Variants in NPAS3 observed in about 807,000 individuals in gnomAD.
NPAS3 encodes the protein neuronal PAS domain protein 3.
In NPAS3, 14 loss-of-function variants were observed where a neutral mutation model predicts 73.1. The observed-to-expected ratio is 0.19, with a 90% confidence interval of 0.13 to 0.30. The LOEUF (loss-of-function observed/expected upper bound fraction) is 0.30. Ranked by LOEUF, NPAS3 falls within the 10% of genes least tolerant of loss-of-function variation. The pLI, the probability that NPAS3 is intolerant of heterozygous loss-of-function variation, is 1.00. For synonymous variants in NPAS3, 620 were observed against 541.5 expected, an observed-to-expected ratio of 1.14 and a Z score of -2.01; for missense variants, 1,096 against 1,250.0, an observed-to-expected ratio of 0.88 and a Z score of 1.86.
chr14:33,355,549 C>T (rs112533785), intron 3 of NPAS3, among the ~76,000 whole-genome samples: 16 of 152,172 alleles, frequency 1.1e-4, no homozygotes, highest in Middle Eastern at 3.2e-3. Flanking sequence ...CCGCCTGCCT[C>T]GGCCTCCCAA....
At chr14:33,531,540 C>T (rs1431618736) in intron 4 of NPAS3, among the ~76,000 whole-genome samples, 1 of 152,032 alleles carries the variant, frequency 6.6e-6, no homozygotes, top group African/African-American at 2.4e-5. Context: ...GAGTGGTATG[C>T]CTATGTACAG....
At chr14:33,462,927 A>G (rs2050339156) in intron 4 of NPAS3, among the ~76,000 whole-genome samples, 1 of 152,248 alleles carries the variant, frequency 6.6e-6, no homozygotes, top group Admixed American at 6.5e-5. Context: ...AATACATTTT[A>G]GAAAACAACT....
chr14:33,587,912 A>G (rs536153868), intron 5 of NPAS3, among the ~76,000 whole-genome samples: 1 of 152,344 alleles, frequency 6.6e-6, no homozygotes, highest in South Asian at 2.1e-4. Context: ...TATGTAGAAG[A>G]ACTCTGCATC....
intron 4 of NPAS3, among the ~76,000 whole-genome samples, chr14:33,552,208 C>G (rs966755178): frequency 2.0e-5 from 3 of 152,118 alleles, no homozygotes; most frequent in Non-Finnish European, 4.4e-5. Context: ...GAAAGAAATG[C>G]TGGAAGAGGC....
chr14:33,722,461 C>G (rs1203870829), intron 6 of NPAS3, among the ~76,000 whole-genome samples: 3 of 152,062 alleles, frequency 2.0e-5, no homozygotes, highest in African/African-American at 7.2e-5. Flanking sequence ...TATTCATAAC[C>G]TTGAAGAAAA....
intron 2 of NPAS3, among the ~76,000 whole-genome samples, chr14:33,211,350 G>T (rs1463368044): frequency 6.6e-6 from 1 of 152,194 alleles, no homozygotes; most frequent in South Asian, 2.1e-4. Flanking sequence ...GGAGGCCAAG[G>T]TGGGCGGATC....
At chr14:33,731,541 C>G (rs1328791361) in intron 6 of NPAS3, among the ~76,000 whole-genome samples, 3 of 152,078 alleles carry the variant, frequency 2.0e-5, no homozygotes, top group Non-Finnish European at 1.5e-5. Flanking sequence ...CAAACCTGGC[C>G]CTAGTTTCAG....
chr14:33,286,979 T>C (rs2041902535), intron 3 of NPAS3, among the ~76,000 whole-genome samples: 1 of 152,104 alleles, frequency 6.6e-6, no homozygotes, highest in African/African-American at 2.4e-5. Flanking sequence ...CCTGGAGTCA[T>C]CCAAAAGATA....
At chr14:33,101,150 C>A (rs1287800433) in intron 2 of NPAS3, among the ~76,000 whole-genome samples, 1 of 152,148 alleles carries the variant, frequency 6.6e-6, no homozygotes, top group Non-Finnish European at 1.5e-5. Flanking sequence ...CACACACCTG[C>A]ACACACACTG....
intron 5 of NPAS3, 39 bp from the exon 6 acceptor site, chr14:33,676,172 A>G: frequency 6.2e-7 from 1 of 1,605,734 alleles, no homozygotes; most frequent in Non-Finnish European, 8.5e-7. Flanking sequence ...AGAAGCCTAT[A>G]TAATGTCTTT....
At chr14:33,643,038 T>G (rs1322298095) in intron 5 of NPAS3, among the ~76,000 whole-genome samples, 1 of 152,130 alleles carries the variant, frequency 6.6e-6, no homozygotes, top group African/African-American at 2.4e-5. Flanking sequence ...ATATAAGTAA[T>G]CATCTCATCA....
chr14:32,938,483 AATT>A (rs1595042895), upstream of NPAS3, among the ~76,000 whole-genome samples: 51 of 19,476 alleles, frequency 2.6e-3, no homozygotes, highest in African/African-American at 6.3e-3. Flanking sequence ...GAGAGAGAGA[AATT>A]GAGAGAGAGA....
At chr14:33,087,142 A>AATATAGTATACAATATAATATTGTATAAT (rs201607915) in intron 2 of NPAS3, among the ~76,000 whole-genome samples, 32 of 93,790 alleles carry the variant, frequency 3.4e-4, no homozygotes, top group African/African-American at 5.1e-4. Flanking sequence ...ATTGTATAAT[A>AATATAGTATACAATATAATATTGTATAAT]ATATAGTATA....
At chr14:33,578,273 A>G (rs2056525775) in intron 5 of NPAS3, 1 of 454,570 alleles carries the variant, frequency 2.2e-6, no homozygotes, top group African/African-American at 2.0e-5. Context: ...AGCTCACCAC[A>G]ACCTCCACCT....
intron 7 of NPAS3, among the ~76,000 whole-genome samples, chr14:33,748,114 GAATT>G (rs2061858358): frequency 2.0e-5 from 3 of 152,086 alleles, no homozygotes; most frequent in South Asian, 2.1e-4. Flanking sequence ...TTTAAAAAAT[GAATT>G]AATTTATAAA....
intron 4 of NPAS3, among the ~76,000 whole-genome samples, chr14:33,513,624 C>G (rs1453375633): frequency 6.6e-6 from 1 of 152,014 alleles, no homozygotes; most frequent in Non-Finnish European, 1.5e-5. Context: ...GGATTTAAAG[C>G]CAGGTCTTTC....
intron 6 of NPAS3, among the ~76,000 whole-genome samples, chr14:33,726,910 G>A (rs576822635): frequency 5.3e-5 from 8 of 152,254 alleles, no homozygotes; most frequent in East Asian, 3.9e-4. Context: ...ATGCCTGCAC[G>A]TGGAGAGTGA....
At chr14:33,323,620 G>A (rs929824483) in intron 3 of NPAS3, among the ~76,000 whole-genome samples, 1 of 152,224 alleles carries the variant, frequency 6.6e-6, no homozygotes, top group African/African-American at 2.4e-5. Flanking sequence ...TCAAGGTGAA[G>A]GGTGTGGTGG....
intron 4 of NPAS3, among the ~76,000 whole-genome samples, chr14:33,553,823 T>A (rs2055230788): frequency 6.6e-6 from 1 of 152,168 alleles, no homozygotes; most frequent in Non-Finnish European, 1.5e-5. Context: ...AATTTGTGAA[T>A]CTTTTTCTTC....
Sources: allele counts gnomAD v4.1 joint callset (sites outside exome capture counted in the v4.1 genomes callset), GRCh38; gene constraint gnomAD v4.1.1; transcripts MANE v1.5; gene names NCBI Gene and HGNC (gene_info 2026-07-23, HGNC 2026-07-21).